The following ASMT variants were observed in gnomAD, a reference collection of about 807,000 sequenced individuals.
ASMT encodes the protein acetylserotonin N-methyltransferase.
ASMT carries 53 observed loss-of-function variants against 41.3 expected under a neutral mutation model. The ratio of observed to expected loss-of-function variants is 1.28; its 90% CI spans 1.03 to 1.61. The LOEUF is 1.61. ASMT is among the 40% of genes most tolerant of loss of function. The pLI is 0.00. For missense variants in ASMT, 531 were observed against 441.3 expected, an observed-to-expected ratio of 1.20 and a Z score of -1.82; for synonymous variants, 231 against 184.8, an observed-to-expected ratio of 1.25 and a Z score of -2.03.
Position 1,623,145 on chromosome X carries a change from T to C in ASMT, c.76T>C (p.Phe26Leu), listed in dbSNP as rs200404503. ...ANGFMVSQVL[F>L]AACELGVFDL... ...TTTCCGCTCCTGCTCCAAGGTTCTC[T>C]TCGCCGCCTGCGAGCTGGGCGTGTT... Residue 26 changes from phenylalanine (F) to leucine (L), a missense_variant, in exon 2 of 9, where the codon TTC becomes CTC. Physicochemically the swap from Phe to Leu is conservative, Grantham distance 22. Coordinates refer to ENST00000381241, the MANE Select transcript of ASMT (RefSeq NM_001171038.2). 3.5e-5 allele frequency: 56 copies of C among 1,612,418 alleles called. No individual in the cohort carries two copies. The highest frequency in any genetic ancestry group is 4.6e-5 in the Non-Finnish European group (54 of 1,179,834).
At chrX:1,636,739 G>C (rs1934980777) in intron 8 of ASMT, 179 bp downstream of exon 8, 1 of 411,792 alleles carries the variant, frequency 2.4e-6, no homozygotes, top group South Asian at 1.0e-4. Context: ...CTATTCTATT[G>C]ATAAAACCAC....
Position 1,636,485 on chromosome X carries a change from G to T in ASMT, c.835G>T (p.Ala279Ser), listed in dbSNP as rs749796026. ...TCCGGAAGCTGATCTGTACATCCTG[G>T]CCAGGGTCCTCCATGACTGGGCAGA... ...PLPEADLYIL[A>S]RVLHDWADGK... is the part of the protein sequence containing the mutation. Residue 279 changes from alanine to serine, a missense_variant, in exon 8 of 9, where the codon GCC becomes TCC. Coordinates refer to ENST00000381241, the MANE Select transcript of ASMT (RefSeq NM_001171038.2). The T allele has an allele frequency of 2.5e-6, 4 of 1,613,858 alleles. No individual in the cohort carries two copies. The highest frequency in any genetic ancestry group is 1.7e-6 in the Non-Finnish European group (2 of 1,179,842).
intron 7 of ASMT, among the ~76,000 whole-genome samples, chrX:1,635,147 T>C (rs1934914616): frequency 6.7e-6 from 1 of 150,122 alleles, no homozygotes; most frequent in African/African-American, 2.5e-5. Context: ...GCTAATTTTT[T>C]TTTTTTTTTT....
At chrX:1,636,792 C>A (rs1161610268) in intron 8 of ASMT, among the ~76,000 whole-genome samples, 3 of 152,246 alleles carry the variant, frequency 2.0e-5, no homozygotes, top group Non-Finnish European at 4.4e-5. Flanking sequence ...ACTTCAGTGG[C>A]CTCACTTTGG....
intron 1 of ASMT, among the ~76,000 whole-genome samples, chrX:1,622,237 C>T (rs1345064107): frequency 1.3e-5 from 2 of 151,476 alleles, no homozygotes; most frequent in Non-Finnish European, 2.9e-5. Flanking sequence ...AGTGATCTAC[C>T]CTCCTAGGCC....
chrX:1,641,762 G>T (rs1212010081), intron 8 of ASMT, among the ~76,000 whole-genome samples: 1 of 148,930 alleles, frequency 6.7e-6, no homozygotes, highest in Non-Finnish European at 1.5e-5. Flanking sequence ...CATGGACACA[G>T]CCTCTCTGTG....
chrX:1,626,722 G>A (rs757908569), intron 3 of ASMT, among the ~76,000 whole-genome samples: 3 of 151,376 alleles, frequency 2.0e-5, no homozygotes, highest in Admixed American at 6.6e-5. Context: ...TAAGTCCTCA[G>A]GTTTAAACAA....
chrX:1,625,123 G>C (rs1290245450), intron 3 of ASMT, among the ~76,000 whole-genome samples: 1 of 81,576 alleles, frequency 1.2e-5, no homozygotes, highest in Non-Finnish European at 2.3e-5. Flanking sequence ...TTTTTTTTTT[G>C]AGATGGAGTC....
intron 5 of ASMT, among the ~76,000 whole-genome samples, chrX:1,632,062 G>T (rs1464002244): frequency 6.6e-6 from 1 of 151,922 alleles, no homozygotes; most frequent in Admixed American, 6.6e-5. Flanking sequence ...TAAATAAAAA[G>T]ACTGACTTTC....
chrX:1,636,006 A>G (rs1934945008), intron 7 of ASMT, among the ~76,000 whole-genome samples: 1 of 146,712 alleles, frequency 6.8e-6, no homozygotes, highest in Non-Finnish European at 1.5e-5. Context: ...CCCAGGCTGG[A>G]GTGCAATGGT....
Position 1,636,314 on chromosome X carries a change from G to A in ASMT, c.788-124G>A, listed in dbSNP as rs1350972382. The A allele has an allele frequency of 5.7e-6, 8 of 1,412,774 alleles. No homozygotes were observed. The East Asian group carries it at 1.1e-4, about 20-fold the overall frequency. 87.5% of individuals were successfully genotyped at this position (1,412,774 alleles called of 1,614,324 possible). On this transcript the variant is annotated intron_variant, in intron 7 of 8. Transcript: ENST00000381241. ...TTGTTTTCTGAGGCTAGGTCTGCAG[G>A]TGACTAGCCTGGAAGACCTGGGAAA...
At position 1,624,116 on chromosome X, in the gene ASMT, C is replaced by T. The variant is rs758424077; in HGVS notation, c.245-153C>T. ...ACCTTTGCGCCTTCCACAGAAGGCT[C>T]CAGCTGTACAAGGCAAGAGGAAGAC... On this transcript the variant is annotated intron_variant, in intron 2 of 8. Transcript: ENST00000381241. The T allele has an allele frequency of 7.8e-6, 4 of 509,622 alleles. No homozygotes were observed. The Admixed American group carries it at 1.9e-4, about 24-fold the overall frequency. 31.6% of individuals were successfully genotyped at this position (509,622 alleles called of 1,614,324 possible). A position where few individuals can be genotyped will look rare whatever the true frequency, so the allele number is the denominator to read the frequency against.
At chrX:1,616,186 G>A (rs761801253) in intron 1 of ASMT, among the ~76,000 whole-genome samples, 134 of 136,792 alleles carry the variant, frequency 9.8e-4, no homozygotes, top group Non-Finnish European at 1.8e-3. Context: ...CCACCACCAC[G>A]CCCGGCTAAT....
chrX:1,631,141 C>G (rs1302564358), intron 5 of ASMT, among the ~76,000 whole-genome samples: 1 of 151,690 alleles, frequency 6.6e-6, no homozygotes, highest in Non-Finnish European at 1.5e-5. Context: ...GTCTCGATCT[C>G]CTGACCTCGT....
At chrX:1,628,084 G>A (rs1175147776) in intron 4 of ASMT, 2 of 417,688 alleles carry the variant, frequency 4.8e-6, no homozygotes, top group African/African-American at 2.0e-5. Context: ...ACTTTGGGAG[G>A]CCGAGGCAGG....
chrX:1,627,546 A>C (rs1455165910), intron 3 of ASMT, 157 bp from the exon 4 acceptor site: 4 of 212,324 alleles, frequency 1.9e-5, no homozygotes, highest in African/African-American at 9.7e-5. Flanking sequence ...GCGTGAACCC[A>C]GAAGGCAGAG....
intron 5 of ASMT, among the ~76,000 whole-genome samples, chrX:1,631,703 T>A (rs1432117402): frequency 1.3e-5 from 2 of 150,590 alleles, no homozygotes; most frequent in Non-Finnish European, 3.0e-5. Flanking sequence ...TCTCCTGAGG[T>A]CAGGAGTTCG....
At chrX:1,636,390 T>C in intron 7 of ASMT, 48 bp from the exon 8 acceptor site, 1 of 1,613,840 alleles carries the variant, frequency 6.2e-7, no homozygotes, top group Non-Finnish European at 8.5e-7. Context: ...TTTAGTCAAA[T>C]GGGATTGGAT....
intron 4 of ASMT, among the ~76,000 whole-genome samples, chrX:1,629,017 T>C: frequency 6.6e-6 from 1 of 150,766 alleles, no homozygotes; most frequent in Non-Finnish European, 1.5e-5. Context: ...CTGCCTGCCT[T>C]CCTTCCTTCC....
Sources: allele counts gnomAD v4.1 joint callset (sites outside exome capture counted in the v4.1 genomes callset), GRCh38; gene constraint gnomAD v4.1.1; transcripts MANE v1.5; gene names NCBI Gene and HGNC (gene_info 2026-07-23, HGNC 2026-07-21).